Variants in NECTIN1 observed in about 807,000 individuals in gnomAD.
NECTIN1 encodes nectin-1.
Under a neutral mutation model 48.0 loss-of-function variants are expected in NECTIN1, and 23 were observed. The ratio of observed to expected loss-of-function variants is 0.48; its 90% CI spans 0.34 to 0.68. NECTIN1 has a LOEUF of 0.68. Ranked by LOEUF, NECTIN1 falls within the 30% of genes least tolerant of loss-of-function variation. The pLI, the probability that NECTIN1 is intolerant of heterozygous loss-of-function variation, is 0.01. For missense variants in NECTIN1, 591 were observed against 709.9 expected, an observed-to-expected ratio of 0.83 and a Z score of 1.90; for synonymous variants, 270 against 288.9, an observed-to-expected ratio of 0.93 and a Z score of 0.66.
Position 119,728,711 on chromosome 11 carries a change from G to GGGGGGGGGGGGGGGGGGGGGGGGGGGCC in NECTIN1, c.-159_-158insGGCCCCCCCCCCCCCCCCCCCCCCCCCC. ...GGCCGGGGCGGGGTGGGCTGGGTGG[G>GGGGGGGGGGGGGGGGGGGGGGGGGGGCC]ATCCGCGCGGCCGCAGTCCGGGCCC... On this transcript the variant is annotated 5_prime_UTR_variant, in exon 1 of 6. The change creates a new upstream start codon in the 5' untranslated region. Coordinates refer to ENST00000264025, the MANE Select transcript of NECTIN1 (RefSeq NM_002855.5). The GGGGGGGGGGGGGGGGGGGGGGGGGGGCC allele has an allele frequency of 5.1e-6, 1 of 197,172 alleles. No individual in the cohort carries two copies. Among genetic ancestry groups the GGGGGGGGGGGGGGGGGGGGGGGGGGGCC allele is most frequent in the Non-Finnish European group, 1.1e-5 (1 of 95,180 alleles). The allele number at this position is 197,172 out of a possible 1,614,324, so 12.2% of individuals were successfully genotyped here. A position where few individuals can be genotyped will look rare whatever the true frequency, so the allele number is the denominator to read the frequency against.
Position 119,666,460 on chromosome 11 carries a change from C to T in NECTIN1, c.1004-1163G>A, listed in dbSNP as rs1337787122. ...TGTTCTTTGGCCAACACTGCCCCTT[C>T]CCTTGCCTTACAGGGCCTGGGAAGG... On this transcript the variant is annotated intron_variant, in intron 5 of 5. Transcript: ENST00000264025. 4.6e-5 allele frequency among the ~76,000 whole-genome samples: 7 copies of T among 152,366 alleles called. No individual in the cohort carries two copies. The South Asian group carries it at 1.2e-3, about 27-fold the overall frequency.
rs1236629802 is a variant in NECTIN1 at position 119,672,289 on chromosome 11, G to T, written c.1003+2870C>A. On this transcript the variant is annotated intron_variant, in intron 5 of 5. Coordinates refer to ENST00000264025, the MANE Select transcript of NECTIN1 (RefSeq NM_002855.5). The surrounding 1 kb of genome is among the most constrained non-coding windows in gnomAD (Gnocchi z 4.3). ...CCTGTCTCCTCCCGACACCCACAGG[G>T]ATAGAGGCTGCCTCATCTGTTTTTT... is the stretch of plus-strand genomic sequence containing the variant. Among the ~76,000 whole-genome samples the T allele has an allele frequency of 6.6e-6, 1 of 152,182 alleles. No homozygotes were observed. The highest frequency in any genetic ancestry group is 1.5e-5 in the Non-Finnish European group (1 of 68,020).
Position 119,651,226 on chromosome 11 carries a change from G to A in NECTIN1, c.1004-11214C>T, listed in dbSNP as rs185061862. Among the ~76,000 whole-genome samples the A allele has an allele frequency of 1.6e-3, 248 of 152,228 alleles. 2 individuals are homozygous for A. Among genetic ancestry groups the A allele is most frequent in the Middle Eastern group, 6.8e-3 (2 of 294 alleles). On this transcript the variant is annotated intron_variant, in intron 5 of 7. Transcript: ENST00000341398. ...GAGCCTTCCCAGTCAGGGAACTTTGGGTACTGTCCTTATCCCAGAGCCTGC... is the reference window on the plus strand; with the variant it reads ...GAGCCTTCCCAGTCAGGGAACTTTGAGTACTGTCCTTATCCCAGAGCCTGC...
Position 119,683,573 on chromosome 11 carries a change from G to GGTGTGTGT in NECTIN1, c.80-4816_80-4809dup, listed in dbSNP as rs66955603. Among the ~76,000 whole-genome samples, 667 of 143,658 alleles carry GGTGTGTGT rather than the reference G, an allele frequency of 4.6e-3. 3 individuals are homozygous for GGTGTGTGT. Among genetic ancestry groups the GGTGTGTGT allele is most frequent in the African/African-American group, 0.017 (648 of 38,468 alleles). The allele number at this position is 143,658 out of a possible 152,430, so 94.2% of individuals were successfully genotyped here. On this transcript the variant is annotated intron_variant, in intron 1 of 5. Transcript: ENST00000264025. This position sits in a 1 kb window ranked among gnomAD's most constrained non-coding sequence, Gnocchi z 4.0. Reference sequence around the variant, plus strand: ...AGAAACAGGGGCTTTGGGGATCCCGGGTGTGTGTGTGTGTGTGTGTGTGTG... The same window carrying GGTGTGTGT: ...AGAAACAGGGGCTTTGGGGATCCCGGGTGTGTGTGTGTGTGTGTGTGTGTGTGTGTGTG...
intron 1 of NECTIN1, among the ~76,000 whole-genome samples, chr11:119,697,036 G>A (rs914815585): frequency 3.9e-5 from 6 of 152,028 alleles, no homozygotes; most frequent in African/African-American, 1.4e-4. Flanking sequence ...GCTGCCCGCT[G>A]CAGCGGGCAG....
At chr11:119,697,177 G>C (rs191169317) in intron 1 of NECTIN1, among the ~76,000 whole-genome samples, 1 of 152,334 alleles carries the variant, frequency 6.6e-6, no homozygotes, top group African/African-American at 2.4e-5. Flanking sequence ...AGAAAGACTG[G>C]TGGGAACTGG....
intron 1 of NECTIN1, among the ~76,000 whole-genome samples, chr11:119,693,144 C>CTCCTCGTCCCAGAG: frequency 6.6e-6 from 1 of 152,202 alleles, no homozygotes; most frequent in Non-Finnish European, 1.5e-5. Flanking sequence ...CCATTCTTCC[C>CTCCTCGTCCCAGAG]CTGTTCCTCT....
intron 5 of NECTIN1, among the ~76,000 whole-genome samples, chr11:119,648,568 C>A (rs1009216986): frequency 2.7e-5 from 4 of 150,900 alleles, no homozygotes; most frequent in African/African-American, 4.9e-5. Context: ...GGCAGAGCAA[C>A]GGGCCTGAGA....
chr11:119,661,213 T>C lies in NECTIN1; in HGVS notation c.*3534A>G, dbSNP rs1293407971. On this transcript the variant is annotated 3_prime_UTR_variant, in exon 6 of 6. Coordinates refer to ENST00000264025, the MANE Select transcript of NECTIN1 (RefSeq NM_002855.5). ...GCTGGGAGGGGAGGGTGGCAGCTTCTCCTGGATTCTTTTCATTTATACAAA... is the reference window on the plus strand; with the variant it reads ...GCTGGGAGGGGAGGGTGGCAGCTTCCCCTGGATTCTTTTCATTTATACAAA... 6 of 985,724 alleles carry C rather than the reference T, an allele frequency of 6.1e-6. No individual in the cohort carries two copies. Among genetic ancestry groups the C allele is most frequent in the Non-Finnish European group, 7.2e-6 (6 of 829,950 alleles). 61.1% of individuals were successfully genotyped at this position (985,724 alleles called of 1,614,324 possible). A position where few individuals can be genotyped will look rare whatever the true frequency, so the allele number is the denominator to read the frequency against.
intron 5 of NECTIN1, among the ~76,000 whole-genome samples, chr11:119,666,421 C>T (rs752013944): frequency 1.2e-4 from 19 of 152,226 alleles, no homozygotes; most frequent in Admixed American, 3.3e-4. Flanking sequence ...GCCAGTGGGG[C>T]CGGGCCACAG....
At chr11:119,675,963 G>A (rs1002008806) in intron 4 of NECTIN1, among the ~76,000 whole-genome samples, 2 of 151,068 alleles carry the variant, frequency 1.3e-5, no homozygotes, top group Middle Eastern at 3.4e-3. Context: ...CCAAGATTGC[G>A]CCATTGCACT....
chr11:119,642,507 C>G (rs1864341023), intron 5 of NECTIN1: 1 of 153,644 alleles, frequency 6.5e-6, no homozygotes, highest in Non-Finnish European at 1.5e-5. Flanking sequence ...CTCCCTGCCT[C>G]CAGGAAACTT....
intron 1 of NECTIN1, among the ~76,000 whole-genome samples, chr11:119,705,113 T>A (rs1215424364): frequency 6.6e-6 from 1 of 151,990 alleles, no homozygotes; most frequent in African/African-American, 2.4e-5. Context: ...GGTGGAACCA[T>A]AAGGGAGATG....
At chr11:119,720,957 TC>T (rs1284597493) in intron 1 of NECTIN1, among the ~76,000 whole-genome samples, 5 of 152,110 alleles carry the variant, frequency 3.3e-5, no homozygotes, top group Non-Finnish European at 5.9e-5. Context: ...TGAAACTCCA[TC>T]TATAGGTGAG....
At chr11:119,720,452 G>A (rs1245475916) in intron 1 of NECTIN1, among the ~76,000 whole-genome samples, 7 of 152,250 alleles carry the variant, frequency 4.6e-5, no homozygotes, top group South Asian at 2.1e-4. Context: ...GCAGATTGGC[G>A]CTCCCATCTC....
At chr11:119,639,082 A>G (rs1864282394) in intron 6 of NECTIN1, among the ~76,000 whole-genome samples, 1 of 152,164 alleles carries the variant, frequency 6.6e-6, no homozygotes, top group Non-Finnish European at 1.5e-5. Flanking sequence ...CAGGTTTCCT[A>G]GCTCAAAGGA....
At position 119,662,410 on chromosome 11, in the gene NECTIN1, A is replaced by G; in HGVS notation, c.*2337T>C. 2.0e-6 allele frequency: 2 copies of G among 985,702 alleles called. No individual in the cohort carries two copies. Among genetic ancestry groups the G allele is most frequent in the Non-Finnish European group, 2.4e-6 (2 of 829,930 alleles). The allele number at this position is 985,702 out of a possible 1,614,324, so 61.1% of individuals were successfully genotyped here. ...GAGGCTGGGCCCCTGGCAAGTCAGGAGCCTCCTACGTGGCCCATGCTACAT... is the reference window on the plus strand; with the variant it reads ...GAGGCTGGGCCCCTGGCAAGTCAGGGGCCTCCTACGTGGCCCATGCTACAT... On this transcript the variant is annotated 3_prime_UTR_variant, in exon 6 of 6. Transcript: ENST00000264025. The surrounding 1 kb of genome is among the most constrained non-coding windows in gnomAD (Gnocchi z 5.3).
chr11:119,728,224 T>G (rs1312263234), intron 1 of NECTIN1, among the ~76,000 whole-genome samples: 8 of 152,258 alleles, frequency 5.3e-5, no homozygotes, highest in African/African-American at 1.9e-4. Context: ...TTATTTTTTG[T>G]AAAGAACTGA....
chr11:119,664,936 G>C lies in NECTIN1; in HGVS notation c.1365C>G (p.Gly455=), dbSNP rs754631670. ...GGGGGERKVG[G]PHPKYDEDAK... is the part of the protein sequence containing the mutation. Reference sequence around the variant, plus strand: ...CGTCCTCGTCATATTTGGGGTGGGGGCCGCCCACCTTGCGCTCGCCCCCTC... The same window carrying C: ...CGTCCTCGTCATATTTGGGGTGGGGCCCGCCCACCTTGCGCTCGCCCCCTC... The change falls in exon 6 of 6, where the codon GGC becomes GGG. Residue 455 remains glycine, a synonymous_variant. Coordinates refer to ENST00000264025, the MANE Select transcript of NECTIN1 (RefSeq NM_002855.5). The C allele has an allele frequency of 3.1e-6, 5 of 1,613,658 alleles. No homozygotes were observed. The highest frequency in any genetic ancestry group is 3.3e-5 in the Admixed American group (2 of 59,970).
Sources: allele counts gnomAD v4.1 joint callset (sites outside exome capture counted in the v4.1 genomes callset), GRCh38; gene constraint gnomAD v4.1.1; non-coding constraint Gnocchi (gnomAD v3.1); transcripts MANE v1.5; gene names NCBI Gene and HGNC (gene_info 2026-07-23, HGNC 2026-07-21).